TMC1: variants seen among roughly 807,000 people sequenced by gnomAD.
The protein encoded by TMC1 is transmembrane channel-like protein 1.
In TMC1, 84 loss-of-function variants were observed where a neutral mutation model predicts 105.8. The observed-to-expected ratio is 0.79, with a 90% CI of 0.67 to 0.95. The LOEUF is 0.95. TMC1 is among the 40% of genes least tolerant of loss of function. The pLI is 0.00. For synonymous variants in TMC1, 315 were observed against 311.5 expected, an observed-to-expected ratio of 1.01 and a Z score of -0.12; for missense variants, 817 against 914.1, an observed-to-expected ratio of 0.89 and a Z score of 1.37.
intron 20 of TMC1, among the ~76,000 whole-genome samples, chr9:72,826,168 A>G (rs1012922577): frequency 2.0e-5 from 3 of 152,320 alleles, no homozygotes; most frequent in Admixed American, 2.0e-4. Flanking sequence ...TAATGATGTA[A>G]TGAATATTTT....
chr9:72,623,828 G>C (rs942733283), intron 3 of TMC1, among the ~76,000 whole-genome samples: 2 of 152,214 alleles, frequency 1.3e-5, no homozygotes, highest in African/African-American at 4.8e-5. Flanking sequence ...GATAAGACCA[G>C]TGACTCCCAT....
At chr9:72,760,902 C>G (rs1170480117) in intron 12 of TMC1, among the ~76,000 whole-genome samples, 1 of 152,136 alleles carries the variant, frequency 6.6e-6, no homozygotes, top group Non-Finnish European at 1.5e-5. Context: ...GCGCAGTGCT[C>G]TGTGACTTAG....
At chr9:72,835,394 G>A (rs1265516252) in intron 23 of TMC1, among the ~76,000 whole-genome samples, 1 of 152,176 alleles carries the variant, frequency 6.6e-6, no homozygotes, top group Non-Finnish European at 1.5e-5. Context: ...AGAAGATGAG[G>A]TGGTTGAAGC....
At position 72,675,511 on chromosome 9, in the gene TMC1, T is replaced by C. The variant is rs144506527; in HGVS notation, c.17-13198T>C. On this transcript the variant is annotated intron_variant, in intron 5 of 23. Transcript: ENST00000297784. ...TATTTGTTGCTCCTTTAGAGGAGTC[T>C]CTCTTCATCAACGTTAACTTTCTTT... 4.2e-3 allele frequency among the ~76,000 whole-genome samples: 637 copies of C among 152,280 alleles called. 5 individuals are homozygous for C. The highest frequency in any genetic ancestry group is 0.015 in the African/African-American group (611 of 41,576).
At chr9:72,610,045 A>G (rs1413088624) in intron 2 of TMC1, among the ~76,000 whole-genome samples, 1 of 152,180 alleles carries the variant, frequency 6.6e-6, no homozygotes. Flanking sequence ...AGACCAGGAC[A>G]CCATTTTGCA....
rs182466646 is a variant in TMC1, at chr9:72,755,051, A to G, written c.741+167A>G. 0.011 allele frequency among the ~76,000 whole-genome samples: 1,404 copies of G among 130,008 alleles called. 19 individuals carry two copies. Among genetic ancestry groups the G allele is most frequent in the East Asian group, 0.064 (236 of 3,714 alleles). The allele number at this position is 130,008 out of a possible 152,430, so 85.3% of individuals were successfully genotyped here. On this transcript the variant is annotated intron_variant, in intron 12 of 23. Coordinates refer to ENST00000297784, the MANE Select transcript of TMC1 (RefSeq NM_138691.3). Reference sequence around the variant, plus strand: ...AAGAAAGAAAGAAAGAGAGAGAGAGAGAGGGAGGGAGGGAGGGAGGGAGAG... The same window carrying G: ...AAGAAAGAAAGAAAGAGAGAGAGAGGGAGGGAGGGAGGGAGGGAGGGAGAG...
intron 1 of TMC1, among the ~76,000 whole-genome samples, chr9:72,547,509 T>C (rs4291340): frequency 0.59 from 89,110 of 151,984 alleles, 28,258 homozygotes; most frequent in African/African-American, 0.85. Flanking sequence ...ATGTCCTTGG[T>C]CATGATAGAG....
At chr9:72,613,132 AT>A (rs10552822) in intron 2 of TMC1, among the ~76,000 whole-genome samples, 2,608 of 137,926 alleles carry the variant, frequency 0.019, 26 homozygotes, top group African/African-American at 0.025. Flanking sequence ...CAGAAATGTG[AT>A]TTTTTTTTTT....
At chr9:72,808,714 G>A (rs1379914472) in intron 18 of TMC1, among the ~76,000 whole-genome samples, 4 of 152,192 alleles carry the variant, frequency 2.6e-5, no homozygotes, top group Non-Finnish European at 5.9e-5. Context: ...TGCCCATGGA[G>A]TCTCAGTGTT....
At chr9:72,781,534 T>C (rs1828092690) in intron 13 of TMC1, among the ~76,000 whole-genome samples, 1 of 152,132 alleles carries the variant, frequency 6.6e-6, no homozygotes, top group African/African-American at 2.4e-5. Flanking sequence ...AAGAGTTGTC[T>C]ATTTGAAAGT....
intron 12 of TMC1, among the ~76,000 whole-genome samples, chr9:72,758,600 G>A (rs1276149074): frequency 3.3e-5 from 5 of 152,112 alleles, no homozygotes; most frequent in African/African-American, 9.7e-5. Context: ...GAGATCAGAC[G>A]CCACAGACAG....
intron 2 of TMC1, among the ~76,000 whole-genome samples, chr9:72,591,422 G>A (rs1456919888): frequency 6.6e-6 from 1 of 152,164 alleles, no homozygotes; most frequent in Non-Finnish European, 1.5e-5. Flanking sequence ...GAGATTCACT[G>A]TAGAAGGAAG....
At chr9:72,735,183 C>T (rs762152212) in intron 8 of TMC1, among the ~76,000 whole-genome samples, 12 of 152,244 alleles carry the variant, frequency 7.9e-5, no homozygotes, top group Admixed American at 2.0e-4. Flanking sequence ...TATTGTAGCA[C>T]GGTTTGCTTC....
chr9:72,779,591 C>G (rs1483444530), intron 13 of TMC1, among the ~76,000 whole-genome samples: 2 of 152,082 alleles, frequency 1.3e-5, no homozygotes, highest in Non-Finnish European at 2.9e-5. Flanking sequence ...GAGCTGAAAA[C>G]CCCATTACAA....
intron 18 of TMC1, among the ~76,000 whole-genome samples, chr9:72,810,831 G>A (rs1470899086): frequency 6.6e-6 from 1 of 152,142 alleles, no homozygotes; most frequent in Non-Finnish European, 1.5e-5. Flanking sequence ...GTGTTGTGAT[G>A]ACATTTAATT....
intron 8 of TMC1, among the ~76,000 whole-genome samples, chr9:72,733,699 A>G (rs1827252136): frequency 6.6e-6 from 1 of 152,198 alleles, no homozygotes; most frequent in Non-Finnish European, 1.5e-5. Context: ...TGCCTTTTCT[A>G]TCTTAACTAA....
At chr9:72,631,666 A>T (rs1825453332) in intron 4 of TMC1, among the ~76,000 whole-genome samples, 1 of 152,172 alleles carries the variant, frequency 6.6e-6, no homozygotes, top group African/African-American at 2.4e-5. Context: ...TCTCTTTACA[A>T]AGCAAGTTGA....
chr9:72,800,705 C>G (rs1335885093), intron 17 of TMC1, among the ~76,000 whole-genome samples: 2 of 131,870 alleles, frequency 1.5e-5, no homozygotes, highest in Admixed American at 1.5e-4. Context: ...TTTCTTACTG[C>G]CATTTTAGTT....
At chr9:72,833,908 A>C (rs1829079457) in intron 23 of TMC1, among the ~76,000 whole-genome samples, 1 of 152,068 alleles carries the variant, frequency 6.6e-6, no homozygotes, top group Admixed American at 6.5e-5. Context: ...TCAGAATTTC[A>C]TGATGGTGTA....
Sources: allele counts gnomAD v4.1 joint callset (sites outside exome capture counted in the v4.1 genomes callset), GRCh38; gene constraint gnomAD v4.1.1; transcripts MANE v1.5; gene names NCBI Gene and HGNC (gene_info 2026-07-23, HGNC 2026-07-21).